Variants in EPB41L5 observed in about 807,000 individuals in gnomAD.
The protein encoded by EPB41L5 is band 4.1-like protein 5.
Under a neutral mutation model 106.6 loss-of-function variants are expected in EPB41L5, and 55 were observed. That is an observed-to-expected ratio of 0.52 (90% CI 0.42 to 0.65). EPB41L5 has a LOEUF of 0.65. Among genes scored for constraint, EPB41L5 ranks in the 30% least tolerant of loss-of-function variants. The pLI, the probability that EPB41L5 is intolerant of heterozygous loss-of-function variation, is 0.00. For synonymous variants in EPB41L5, 297 were observed against 306.7 expected (o/e 0.97, Z 0.33); for missense variants, 871 against 882.1 (o/e 0.99, Z 0.16).
chr2:120,021,463 T>C (rs1163840997), intron 2 of EPB41L5, among the ~76,000 whole-genome samples: 1 of 151,710 alleles, frequency 6.6e-6, no homozygotes, highest in African/African-American at 2.4e-5. Flanking sequence ...GCCAACATAG[T>C]GAAACCCCGT....
At chr2:120,168,993 G>A (rs988712738) in intron 24 of EPB41L5, among the ~76,000 whole-genome samples, 13 of 152,052 alleles carry the variant, frequency 8.5e-5, no homozygotes, top group Middle Eastern at 3.2e-3. Context: ...AGAACCCGAC[G>A]GTAATGCTTT....
At chr2:120,016,934 A>G (rs557287922) in intron 1 of EPB41L5, among the ~76,000 whole-genome samples, 1 of 152,348 alleles carries the variant, frequency 6.6e-6, no homozygotes, top group Non-Finnish European at 1.5e-5. Flanking sequence ...GGAACACTGG[A>G]AAGTTATCTA....
chr2:120,144,237 A>C (rs1686304871), intron 19 of EPB41L5, among the ~76,000 whole-genome samples: 1 of 152,130 alleles, frequency 6.6e-6, no homozygotes, highest in Non-Finnish European at 1.5e-5. Context: ...CCTGGAGGGA[A>C]CTTATTTAAC....
chr2:120,074,959 G>A (rs1413962350), intron 5 of EPB41L5, among the ~76,000 whole-genome samples: 1 of 152,122 alleles, frequency 6.6e-6, no homozygotes, highest in Non-Finnish European at 1.5e-5. Flanking sequence ...CTCCCAAATA[G>A]CTGGGATTAC....
Position 120,061,445 on chromosome 2 carries a change from G to T in EPB41L5, c.286-11733G>T, listed in dbSNP as rs543364590. ...TCACCGTTTTAGCCGGGATGGTCTCGATCTCCTGACCTCGTGATCCGCCCG... is the reference window on the plus strand; with the variant it reads ...TCACCGTTTTAGCCGGGATGGTCTCTATCTCCTGACCTCGTGATCCGCCCG... On this transcript the variant is annotated intron_variant, in intron 3 of 24. Transcript: ENST00000263713. Among the ~76,000 whole-genome samples the T allele has an allele frequency of 4.0e-5, 6 of 151,604 alleles. No homozygotes were observed. In the South Asian group the frequency reaches 6.3e-4, roughly 16 times the overall value.
intron 3 of EPB41L5, among the ~76,000 whole-genome samples, chr2:120,049,960 A>G (rs1680109112): frequency 6.6e-6 from 1 of 152,128 alleles, no homozygotes; most frequent in African/African-American, 2.4e-5. Flanking sequence ...TGGGTTGAAA[A>G]TTCTTTTCTT....
chr2:120,115,716 T>C (rs1684918888), intron 16 of EPB41L5, among the ~76,000 whole-genome samples: 1 of 152,078 alleles, frequency 6.6e-6, no homozygotes, highest in Non-Finnish European at 1.5e-5. Flanking sequence ...ATTGTTTTCT[T>C]AATGGTTACC....
intron 3 of EPB41L5, among the ~76,000 whole-genome samples, chr2:120,061,475 G>A (rs966128319): frequency 2.0e-5 from 3 of 151,610 alleles, no homozygotes; most frequent in South Asian, 2.1e-4. Context: ...CGCCCGCCTC[G>A]GCCTCCCAAA....
rs973012256 is a variant in EPB41L5, at chr2:120,104,315, A to T, written c.1337+3501A>T. On this transcript the variant is annotated intron_variant, in intron 16 of 24. Transcript: ENST00000263713. Reference sequence around the variant, plus strand: ...ATACATTATCTGGTGTTTATAAAGGATTAATCACATTAGGAGTATTTGGGA... The same window carrying T: ...ATACATTATCTGGTGTTTATAAAGGTTTAATCACATTAGGAGTATTTGGGA... 8 of 1,469,636 alleles carry T rather than the reference A, an allele frequency of 5.4e-6. No individual in the cohort carries two copies. The Admixed American group carries it at 1.8e-4, about 33-fold the overall frequency. The allele number at this position is 1,469,636 out of a possible 1,614,324, so 91.0% of individuals were successfully genotyped here.
chr2:120,078,161 C>T (rs1682387875), intron 9 of EPB41L5, among the ~76,000 whole-genome samples: 1 of 152,112 alleles, frequency 6.6e-6, no homozygotes, highest in African/African-American at 2.4e-5. Flanking sequence ...ACCGTATCAG[C>T]AGTCTTTTCC....
intron 18 of EPB41L5, among the ~76,000 whole-genome samples, chr2:120,140,127 A>G (rs1035565267): frequency 2.6e-4 from 40 of 152,012 alleles, no homozygotes; most frequent in African/African-American, 8.9e-4. Flanking sequence ...ACTTGCGGAG[A>G]TAGATGGTTA....
At chr2:120,155,296 ACTTT>A (rs1175237730) in intron 20 of EPB41L5, among the ~76,000 whole-genome samples, 1 of 152,160 alleles carries the variant, frequency 6.6e-6, no homozygotes, top group East Asian at 1.9e-4. Flanking sequence ...TTGACAGGGT[ACTTT>A]CTTTCAGTGC....
At chr2:120,064,891 G>C (rs996720413) in intron 3 of EPB41L5, among the ~76,000 whole-genome samples, 20 of 152,266 alleles carry the variant, frequency 1.3e-4, no homozygotes, top group Admixed American at 4.6e-4. Flanking sequence ...AAACAGACTT[G>C]AGAATATGCA....
intron 3 of EPB41L5, among the ~76,000 whole-genome samples, chr2:120,071,895 A>G (rs905828630): frequency 2.6e-5 from 4 of 152,208 alleles, no homozygotes; most frequent in African/African-American, 9.7e-5. Context: ...TAAAACACCA[A>G]AAGCAGTGGC....
chr2:120,170,292 T>TA (rs763532330), intron 24 of EPB41L5, among the ~76,000 whole-genome samples: 2 of 152,234 alleles, frequency 1.3e-5, no homozygotes, highest in Non-Finnish European at 2.9e-5. Context: ...AATACACACT[T>TA]ATAATCTCAT....
intron 3 of EPB41L5, among the ~76,000 whole-genome samples, chr2:120,050,797 C>A (rs1433135358): frequency 2.6e-5 from 4 of 152,080 alleles, no homozygotes; most frequent in Non-Finnish European, 5.9e-5. Context: ...TTTTATCTAC[C>A]TTTGGTCTTT....
At chr2:120,104,896 CTGAT>C in intron 16 of EPB41L5, 1 of 976,476 alleles carries the variant, frequency 1.0e-6, no homozygotes, top group South Asian at 4.7e-5. Context: ...GAATGGTTAA[CTGAT>C]TAACATTCAG....
chr2:120,162,764 C>T (rs1318315871), intron 21 of EPB41L5, among the ~76,000 whole-genome samples: 1 of 152,182 alleles, frequency 6.6e-6, no homozygotes, highest in Non-Finnish European at 1.5e-5. Context: ...TGCATATAGT[C>T]TAGTGGGAGA....
At position 120,051,644 on chromosome 2, in the gene EPB41L5, C is replaced by T. The variant is rs564240678; in HGVS notation, c.285+9534C>T. Among the ~76,000 whole-genome samples the T allele has an allele frequency of 7.9e-5, 12 of 152,322 alleles. 1 individual carries two copies. In the South Asian group the frequency reaches 1.4e-3, roughly 18 times the overall value. Reference sequence around the variant, plus strand: ...GAATTCCCTGACTCCTTGCGCTTCCCGGGTGAGGCGATGCCTCGCCCTGCT... The same window carrying T: ...GAATTCCCTGACTCCTTGCGCTTCCTGGGTGAGGCGATGCCTCGCCCTGCT... On this transcript the variant is annotated intron_variant, in intron 3 of 24. Transcript: ENST00000263713.
Sources: allele counts gnomAD v4.1 joint callset (sites outside exome capture counted in the v4.1 genomes callset), GRCh38; gene constraint gnomAD v4.1.1; transcripts MANE v1.5; gene names NCBI Gene and HGNC (gene_info 2026-07-23, HGNC 2026-07-21).